BMPER: variants seen among roughly 807,000 people sequenced by gnomAD.
BMPER encodes BMP binding endothelial regulator.
A neutral mutation model predicts 87.3 loss-of-function variants in BMPER; 45 were observed. That is an observed-to-expected ratio of 0.52 (90% CI 0.41 to 0.66). The LOEUF (loss-of-function observed/expected upper bound fraction) is 0.66, where lower values mean the gene tolerates loss of function less well. Ranked by LOEUF, BMPER falls within the 30% of genes least tolerant of loss-of-function variation. The pLI is 0.00. For synonymous variants in BMPER, 326 were observed against 316.2 expected (o/e 1.03, Z -0.33); for missense variants, 784 against 867.5 (o/e 0.90, Z 1.21).
intron 3 of BMPER, among the ~76,000 whole-genome samples, chr7:33,938,513 C>T (rs575690894): frequency 6.6e-6 from 1 of 152,242 alleles, no homozygotes; most frequent in African/African-American, 2.4e-5. Flanking sequence ...TAGGAGTGCC[C>T]AGGGCCGCCA....
chr7:34,025,355 C>G (rs1787329112), intron 6 of BMPER, among the ~76,000 whole-genome samples: 1 of 151,994 alleles, frequency 6.6e-6, no homozygotes, highest in South Asian at 2.1e-4. Context: ...CAATCAAGCA[C>G]AGGGTCAGGC....
Position 34,085,880 on chromosome 7 carries a change from A to T in BMPER, c.1533A>T (p.Gly511=), listed in dbSNP as rs1465198801. 6.2e-7 allele frequency: 1 copy of T among 1,613,976 alleles called. No homozygotes were observed. Among genetic ancestry groups the T allele is most frequent in the African/African-American group, 1.3e-5 (1 of 74,894 alleles). The change falls in exon 13 of 15, where the codon GGA becomes GGT. Residue 511 remains glycine, a synonymous_variant. Transcript: ENST00000649409. ...ATAAACGTGATGACTTAATTGGTGG[A>T]GATGGAAACTTCAAGTTTGATGTGG... ...NGHKRDDLIG[G]DGNFKFDVDD...
Position 34,051,990 on chromosome 7 carries a change from C to T in BMPER, c.786+20C>T. ...TGCAGGGTAAGGCAGCTCTGAGAGG[C>T]TGTGGTCCAGCAATGATAGGGTTTG... is the stretch of plus-strand genomic sequence containing the variant. On this transcript the variant is annotated intron_variant, in intron 8 of 14. Transcript: ENST00000649409. 6.3e-7 allele frequency: 1 copy of T among 1,586,386 alleles called. No individual in the cohort carries two copies. The highest frequency in any genetic ancestry group is 1.1e-5 in the South Asian group (1 of 90,550).
At chr7:33,927,138 G>A (rs913432572) in intron 2 of BMPER, among the ~76,000 whole-genome samples, 6 of 152,236 alleles carry the variant, frequency 3.9e-5, no homozygotes, top group Admixed American at 1.3e-4. Context: ...CGGCTCCTCC[G>A]CCCTGCCTAA....
chr7:33,951,045 G>C (rs905861596), intron 3 of BMPER, among the ~76,000 whole-genome samples: 2 of 150,808 alleles, frequency 1.3e-5, no homozygotes, highest in Non-Finnish European at 2.9e-5. Context: ...ACTTCTCCTG[G>C]TGGGACTTTT....
chr7:33,929,758 T>G (rs1268205017), intron 2 of BMPER, among the ~76,000 whole-genome samples: 2 of 152,190 alleles, frequency 1.3e-5, no homozygotes, highest in Non-Finnish European at 2.9e-5. Context: ...GGGAAGTAAA[T>G]CAGTGCCTTC....
intron 3 of BMPER, among the ~76,000 whole-genome samples, chr7:33,940,742 G>A (rs1784730524): frequency 6.6e-6 from 1 of 151,324 alleles, no homozygotes; most frequent in Admixed American, 6.6e-5. Flanking sequence ...AGGAATCATA[G>A]TAATGCAGAA....
At chr7:33,994,611 G>A (rs1272255081) in intron 6 of BMPER, among the ~76,000 whole-genome samples, 9 of 152,158 alleles carry the variant, frequency 5.9e-5, no homozygotes, top group Non-Finnish European at 8.8e-5. Context: ...GCTGTAGACC[G>A]GAGCTGTTCC....
At chr7:34,143,438 G>A in intron 14 of BMPER, 78 bp downstream of exon 14, 1 of 1,587,388 alleles carries the variant, frequency 6.3e-7, no homozygotes, top group South Asian at 1.1e-5. Context: ...ACTTGTGGAT[G>A]CTGACATGAG....
At chr7:34,076,092 T>C (rs1788856653) in intron 11 of BMPER, among the ~76,000 whole-genome samples, 1 of 152,208 alleles carries the variant, frequency 6.6e-6, no homozygotes, top group Admixed American at 6.5e-5. Flanking sequence ...TAGGGCCTCT[T>C]GAAAAATATC....
intron 6 of BMPER, among the ~76,000 whole-genome samples, chr7:34,044,929 C>T (rs896236838): frequency 4.6e-5 from 7 of 152,126 alleles, no homozygotes; most frequent in African/African-American, 1.4e-4. Flanking sequence ...GGGATGGGAA[C>T]GGACAGGCCC....
chr7:33,918,576 T>C (rs1784140102), intron 2 of BMPER, among the ~76,000 whole-genome samples: 1 of 152,206 alleles, frequency 6.6e-6, no homozygotes, highest in Non-Finnish European at 1.5e-5. Flanking sequence ...CAGTGTTTTT[T>C]TTGGTCTCAG....
intron 13 of BMPER, among the ~76,000 whole-genome samples, chr7:34,096,487 G>A (rs1281900504): frequency 3.3e-5 from 5 of 152,194 alleles, no homozygotes; most frequent in African/African-American, 4.8e-5. Context: ...ATTGATGGGG[G>A]CATGTGCAAA....
intron 10 of BMPER, among the ~76,000 whole-genome samples, chr7:34,059,957 G>A (rs1788392223): frequency 6.6e-6 from 1 of 152,148 alleles, no homozygotes; most frequent in African/African-American, 2.4e-5. Flanking sequence ...TATGAGGGCT[G>A]AAGTGGGGAC....
At chr7:33,911,782 G>A (rs1783968179) in intron 2 of BMPER, among the ~76,000 whole-genome samples, 1 of 152,118 alleles carries the variant, frequency 6.6e-6, no homozygotes, top group Admixed American at 6.5e-5. Flanking sequence ...CATAAAGTTT[G>A]GCCTGGGGCT....
intron 6 of BMPER, among the ~76,000 whole-genome samples, chr7:33,997,571 C>T (rs968150868): frequency 1.3e-5 from 2 of 152,190 alleles, no homozygotes; most frequent in African/African-American, 2.4e-5. Context: ...TTTCCTGAGG[C>T]CTCCTCAGCC....
chr7:34,006,130 C>T (rs1786726827), intron 6 of BMPER, among the ~76,000 whole-genome samples: 2 of 151,742 alleles, frequency 1.3e-5, no homozygotes, highest in African/African-American at 4.8e-5. Flanking sequence ...GTTCTAATTC[C>T]ACCCTTTGTA....
intron 3 of BMPER, among the ~76,000 whole-genome samples, chr7:33,939,253 T>C (rs1230945034): frequency 1.3e-5 from 2 of 152,192 alleles, no homozygotes; most frequent in Admixed American, 6.5e-5. Flanking sequence ...CTTGACCTGC[T>C]AATTCCTTTA....
At chr7:33,954,152 C>T (rs572166184) in intron 3 of BMPER, among the ~76,000 whole-genome samples, 14 of 152,244 alleles carry the variant, frequency 9.2e-5, no homozygotes, top group Non-Finnish European at 1.6e-4. Flanking sequence ...TGAATGTTCT[C>T]CTGGTTAAAT....
Sources: allele counts gnomAD v4.1 joint callset (sites outside exome capture counted in the v4.1 genomes callset), GRCh38; gene constraint gnomAD v4.1.1; transcripts MANE v1.5; gene names NCBI Gene and HGNC (gene_info 2026-07-23, HGNC 2026-07-21).